Variants in BPHL observed in about 807,000 individuals in gnomAD.
The protein encoded by BPHL is biphenyl hydrolase like.
A neutral mutation model predicts 31.2 loss-of-function variants in BPHL; 27 were observed. That is an observed-to-expected ratio of 0.87 (90% confidence interval 0.64 to 1.19). BPHL has a LOEUF of 1.19. Ranked by LOEUF, BPHL falls within the 50% of genes most tolerant of loss-of-function variation. The pLI, the probability that BPHL is intolerant of heterozygous loss-of-function variation, is 0.00. For synonymous variants in BPHL, 150 were observed against 146.8 expected (o/e 1.02, Z -0.16); for missense variants, 356 against 375.7 (o/e 0.95, Z 0.43).
intron 6 of BPHL, among the ~76,000 whole-genome samples, chr6:3,147,181 A>G (rs1349008442): frequency 6.6e-6 from 1 of 152,096 alleles, no homozygotes; most frequent in Non-Finnish European, 1.5e-5. Context: ...GAATCACCAG[A>G]GCCTAGGAGG....
At chr6:3,129,865 C>T (rs1479576289) in intron 4 of BPHL, among the ~76,000 whole-genome samples, 2 of 142,280 alleles carry the variant, frequency 1.4e-5, no homozygotes, top group African/African-American at 5.2e-5. Context: ...GGAGTGCAGT[C>T]GTGCGATCTC....
intron 6 of BPHL, among the ~76,000 whole-genome samples, chr6:3,141,470 C>T (rs1188056706): frequency 3.9e-5 from 6 of 152,168 alleles, no homozygotes; most frequent in Admixed American, 6.5e-5. Flanking sequence ...CAGGTTCAAG[C>T]GATTCTCCCA....
chr6:3,127,182 A>G (rs1761738178), intron 2 of BPHL, 60 bp from the exon 3 acceptor site: 2 of 1,160,768 alleles, frequency 1.7e-6, no homozygotes, highest in Non-Finnish European at 2.4e-6. Context: ...TTCTGTTTTC[A>G]CTGTAATGTG....
Position 3,140,475 on chromosome 6 carries a change from GCCGACTTCATT to G in BPHL, c.756_766del (p.Asp253Ter). 1 of 1,614,096 alleles carries G rather than the reference GCCGACTTCATT, an allele frequency of 6.2e-7. No individual in the cohort carries two copies. On this transcript the variant is annotated frameshift_variant, in exon 6 of 7. Transcript: ENST00000380379. LOFTEE classifies it high-confidence loss of function. This position sits in a 1 kb window ranked among gnomAD's most constrained non-coding sequence, Gnocchi z 5.2. The stretch of plus-strand genomic sequence containing the variant: ...GGATCCTCTGGTCCCACGGTTTCAT[GCCGACTTCATT>G]CATAAGCACGTGAAAGGCTCACGGT...
Position 3,138,183 on chromosome 6 carries a change from C to T in BPHL, c.664+690C>T, listed in dbSNP as rs1466625557. On this transcript the variant is annotated intron_variant, in intron 5 of 6. Transcript: ENST00000380379. ...ACAGGCGTGCACCACCACACAGGCA[C>T]ATTTTTTTTGTATTTTAGTAGAGAC... 7.6e-5 allele frequency: 24 copies of T among 316,892 alleles called. No homozygotes were observed. In the Admixed American group the frequency reaches 1.1e-3, roughly 15 times the overall value. The allele number at this position is 316,892 out of a possible 1,614,324, so 19.6% of individuals were successfully genotyped here.
intron 6 of BPHL, among the ~76,000 whole-genome samples, chr6:3,151,574 T>A (rs1284868885): frequency 2.0e-5 from 3 of 152,170 alleles, no homozygotes; most frequent in Non-Finnish European, 4.4e-5. Flanking sequence ...CCCCCCAGTA[T>A]TGAAACTCAA....
chr6:3,140,592 G>A lies in BPHL; in HGVS notation c.788+83G>A, dbSNP rs767354142. The A allele has an allele frequency of 3.2e-6, 5 of 1,581,276 alleles. No homozygotes were observed. In the South Asian group the frequency reaches 4.5e-5, roughly 14 times the overall value. Reference sequence around the variant, plus strand: ...GCTACTGGAAGGAAAATAACCAAGAGGAGTTGGAGTTTTAGAGTGCACAGC... The same window carrying A: ...GCTACTGGAAGGAAAATAACCAAGAAGAGTTGGAGTTTTAGAGTGCACAGC... On this transcript the variant is annotated intron_variant, in intron 6 of 6. Transcript: ENST00000380379. This position sits in a 1 kb window ranked among gnomAD's most constrained non-coding sequence, Gnocchi z 5.2.
In BPHL at chr6:3,152,725, G is replaced by T; in HGVS notation, c.*150G>T. 1.5e-6 allele frequency: 1 copy of T among 659,242 alleles called. No homozygotes were observed. Among genetic ancestry groups the T allele is most frequent in the South Asian group, 2.2e-5 (1 of 46,508 alleles). 40.8% of individuals were successfully genotyped at this position (659,242 alleles called of 1,614,324 possible). On this transcript the variant is annotated 3_prime_UTR_variant, in exon 7 of 7. Transcript: ENST00000380379. The stretch of plus-strand genomic sequence containing the variant: ...AACCAAATGAGAATAATGACATATT[G>T]AAAACAGCCTCTAGCTTCAGGCTGG...
chr6:3,127,230 G>A lies in BPHL; in HGVS notation c.212-12G>A. Reference sequence around the variant, plus strand: ...AGCGATCACCTGAGGGTAACCAAGTGGCTGTTTTTAGGAAGTGGAGAGACT... The same window carrying A: ...AGCGATCACCTGAGGGTAACCAAGTAGCTGTTTTTAGGAAGTGGAGAGACT... On this transcript the variant is annotated splice_polypyrimidine_tract_variant and intron_variant, in intron 2 of 6. Transcript: ENST00000380379. The A allele has an allele frequency of 6.6e-7, 1 of 1,507,060 alleles. No homozygotes were observed. Among genetic ancestry groups the A allele is most frequent in the Non-Finnish European group, 9.0e-7 (1 of 1,116,436 alleles). The allele number at this position is 1,507,060 out of a possible 1,614,324, so 93.4% of individuals were successfully genotyped here.
chr6:3,119,268 T>C, intron 1 of BPHL: 1 of 1,536,544 alleles, frequency 6.5e-7, no homozygotes, highest in Non-Finnish European at 8.7e-7. Context: ...AATAATCTCT[T>C]CTTTCTCTTA....
upstream of BPHL, chr6:3,118,466 G>A (rs894000648): frequency 2.2e-5 from 7 of 319,982 alleles, no homozygotes; most frequent in African/African-American, 1.1e-4. Flanking sequence ...AGCGCCGACG[G>A]GGACACTCAT....
chr6:3,118,776 C>T lies in BPHL; in HGVS notation c.36C>T (p.Arg12=). ...VAVLGGRGVL[R]LRLLLSALKP... ...TGCTGGGCGGCCGGGGCGTGTTGCG[C>T]CTGCGGCTGCTTCTCTCAGCGCTGA... Residue 12 remains arginine (R), a synonymous_variant, in exon 1 of 7, where the codon CGC becomes CGT. Transcript: ENST00000380379. 8.0e-7 allele frequency: 1 copy of T among 1,252,972 alleles called. No individual in the cohort carries two copies. The highest frequency in any genetic ancestry group is 1.5e-5 in the African/African-American group (1 of 64,674). 77.6% of individuals were successfully genotyped at this position (1,252,972 alleles called of 1,614,324 possible). A position where few individuals can be genotyped will look rare whatever the true frequency, so the allele number is the denominator to read the frequency against.
chr6:3,151,877 C>G (rs1047364207), intron 6 of BPHL, among the ~76,000 whole-genome samples: 2 of 152,244 alleles, frequency 1.3e-5, no homozygotes, highest in African/African-American at 4.8e-5. Context: ...GCAGCGGCTC[C>G]TGGAGCACAG....
chr6:3,135,150 C>T (rs1411525436), intron 4 of BPHL, among the ~76,000 whole-genome samples: 1 of 152,246 alleles, frequency 6.6e-6, no homozygotes, highest in African/African-American at 2.4e-5. Context: ...AATGTTCCTT[C>T]TAAAAGCATT....
intron 2 of BPHL, among the ~76,000 whole-genome samples, chr6:3,125,809 G>A (rs1043635817): frequency 1.3e-5 from 2 of 152,226 alleles, no homozygotes; most frequent in Admixed American, 1.3e-4. Flanking sequence ...CAGGAAAAAT[G>A]ATAGGCCTTG....
At chr6:3,151,490 G>A (rs552489403) in intron 6 of BPHL, among the ~76,000 whole-genome samples, 25 of 152,154 alleles carry the variant, frequency 1.6e-4, no homozygotes, top group African/African-American at 6.0e-4. Context: ...GTTGGAAGAG[G>A]CCCAGCATCT....
intron 4 of BPHL, among the ~76,000 whole-genome samples, chr6:3,135,877 T>C (rs895670497): frequency 1.3e-5 from 2 of 152,226 alleles, no homozygotes; most frequent in Non-Finnish European, 1.5e-5. Context: ...CATTTGTTGC[T>C]CTTGGGAACC....
At chr6:3,119,690 C>T (rs748846099) in intron 1 of BPHL, among the ~76,000 whole-genome samples, 24 of 152,312 alleles carry the variant, frequency 1.6e-4, no homozygotes, top group South Asian at 1.0e-3. Flanking sequence ...CGAACGTACA[C>T]AGTGCATGTG....
chr6:3,122,103 C>T (rs1761591611), intron 1 of BPHL, among the ~76,000 whole-genome samples: 1 of 151,992 alleles, frequency 6.6e-6, no homozygotes, highest in Admixed American at 6.6e-5. Flanking sequence ...CAGGGTGAAA[C>T]CCCGTCTCTA....
Sources: gnomAD v4.1 joint callset for allele counts (sites outside exome capture counted in the v4.1 genomes callset) on GRCh38, gnomAD v4.1.1 for gene constraint, Gnocchi (gnomAD v3.1) non-coding constraint, MANE v1.5 for transcripts, NCBI Gene and HGNC (gene_info 2026-07-23, HGNC 2026-07-21) for gene names.